The following SSX3 variants were observed in gnomAD, a reference collection of about 807,000 sequenced individuals.
The protein encoded by SSX3 is SSX family member 3, also known as protein SSX3.
In SSX3, 6 loss-of-function variants were observed where a neutral mutation model predicts 14.8. The ratio of observed to expected loss-of-function variants is 0.41; its 90% CI spans 0.22 to 0.80. The LOEUF is 0.80. SSX3 is among the 30% of genes least tolerant of loss of function. The pLI is 0.34. For synonymous variants in SSX3, 55 were observed against 52.9 expected, an observed-to-expected ratio of 1.04 and a Z score of -0.18; for missense variants, 163 against 152.2, an observed-to-expected ratio of 1.07 and a Z score of -0.37.
Position 48,353,980 on chromosome X carries a change from C to A in SSX3, c.280+19G>T. ...TTGGGCTTGAGGAGACCCTTTCCAGCCCCTTCCCATCTACTCACCCTGATT... is the reference window on the plus strand; with the variant it reads ...TTGGGCTTGAGGAGACCCTTTCCAGACCCTTCCCATCTACTCACCCTGATT... On this transcript the variant is annotated intron_variant, in intron 4 of 7. Coordinates refer to ENST00000298396, the MANE Select transcript of SSX3 (RefSeq NM_021014.4). The A allele has an allele frequency of 8.4e-7, 1 of 1,197,059 alleles. No homozygotes were observed. The highest frequency in any genetic ancestry group is 2.2e-5 in the Admixed American group (1 of 45,841).
chrX:48,348,704 G>A (rs1180910739), intron 6 of SSX3, among the ~76,000 whole-genome samples: 1 of 112,296 alleles, frequency 8.9e-6, no homozygotes, highest in Non-Finnish European at 1.9e-5. Context: ...GTTCTTGAAG[G>A]AAATAATAAT....
chrX:48,349,936 G>A, intron 6 of SSX3, 51 bp downstream of exon 6: 1 of 1,208,230 alleles, frequency 8.3e-7, no homozygotes, highest in Non-Finnish European at 1.1e-6. Context: ...CCACACACCT[G>A]AACGTCGCCA....
rs782057033 is a variant in SSX3, at chrX:48,351,978, T to C, written c.330+122A>G. ...AAGCCGTCGGTGCTACATCAGGTGTTGTGATAGACATGGGGAGAAGAAGGC... is the reference window on the plus strand; with the variant it reads ...AAGCCGTCGGTGCTACATCAGGTGTCGTGATAGACATGGGGAGAAGAAGGC... On this transcript the variant is annotated intron_variant, in intron 5 of 7. Coordinates refer to ENST00000298396, the MANE Select transcript of SSX3 (RefSeq NM_021014.4). 2.0e-4 allele frequency: 178 copies of C among 907,108 alleles called. 3 individuals are homozygous for C. In the East Asian group the frequency reaches 5.6e-3, roughly 28 times the overall value. The allele number at this position is 907,108 out of a possible 1,213,427, so 74.8% of individuals were successfully genotyped here.
chrX:48,349,651 G>T, intron 6 of SSX3: 2 of 1,192,804 alleles, frequency 1.7e-6, no homozygotes, highest in Non-Finnish European at 2.3e-6. Context: ...AGATAGAATC[G>T]CTTGAGCACC....
chrX:48,353,198 A>G (rs1451736613), intron 4 of SSX3, among the ~76,000 whole-genome samples: 2 of 110,270 alleles, frequency 1.8e-5, no homozygotes, highest in African/African-American at 6.6e-5. Context: ...GCTTAGGAAG[A>G]ACAACATGTC....
intron 5 of SSX3, among the ~76,000 whole-genome samples, chrX:48,351,330 TGGGACTGG>T (rs2146665191): frequency 8.9e-6 from 1 of 111,775 alleles, no homozygotes; most frequent in Admixed American, 9.5e-5. Context: ...TCCCCTGGGC[TGGGACTGG>T]GGCTTCCCAG....
chrX:48,351,060 C>T lies in SSX3; in HGVS notation c.331-938G>A, dbSNP rs139887010. Reference sequence around the variant, plus strand: ...CTGGGATTACAGTCGTGAGCCACCGCGCCCTGATCTTAAGCTACTTTTAAT... The same window carrying T: ...CTGGGATTACAGTCGTGAGCCACCGTGCCCTGATCTTAAGCTACTTTTAAT... On this transcript the variant is annotated intron_variant, in intron 5 of 7. Coordinates refer to ENST00000298396, the MANE Select transcript of SSX3 (RefSeq NM_021014.4). Among the ~76,000 whole-genome samples, 698 of 111,089 alleles carry T rather than the reference C, an allele frequency of 6.3e-3. 12 individuals carry two copies. The highest frequency in any genetic ancestry group is 0.049 in the Admixed American group (510 of 10,361).
At chrX:48,350,194 T>C (rs1282800871) in intron 5 of SSX3, 72 bp from the exon 6 acceptor site, 3 of 1,172,658 alleles carry the variant, frequency 2.6e-6, no homozygotes, top group Non-Finnish European at 3.5e-6. Flanking sequence ...TTACAAAGGG[T>C]CTTCACATGC....
Position 48,346,645 on chromosome X carries a change from A to G in SSX3, c.*395T>C. 1 of 324,008 alleles carries G rather than the reference A, an allele frequency of 3.1e-6. No individual in the cohort carries two copies. The highest frequency in any genetic ancestry group is 5.5e-6 in the Non-Finnish European group (1 of 180,289). The allele number at this position is 324,008 out of a possible 1,213,427, so 26.7% of individuals were successfully genotyped here. ...TGTGTGTGTGTGTAAATGCAGAGGA[A>G]AAAATCTGAAATTAAACACTCAGAA... On this transcript the variant is annotated 3_prime_UTR_variant, in exon 8 of 8. Coordinates refer to ENST00000298396, the MANE Select transcript of SSX3 (RefSeq NM_021014.4).
intron 4 of SSX3, among the ~76,000 whole-genome samples, chrX:48,352,953 G>C (rs782610655): frequency 7.2e-5 from 8 of 111,455 alleles, no homozygotes; most frequent in Non-Finnish European, 1.3e-4. Context: ...CAGAGAATCA[G>C]GGTTATTTGG....
intron 6 of SSX3, chrX:48,348,405 A>C (rs1220798744): frequency 7.7e-6 from 4 of 518,082 alleles, no homozygotes; most frequent in Non-Finnish European, 1.4e-5. Flanking sequence ...TCCACCGATG[A>C]GCTGTTCCGC....
At chrX:48,348,362 T>A (rs2061247376) in intron 6 of SSX3, 1 of 516,057 alleles carries the variant, frequency 1.9e-6, no homozygotes. Flanking sequence ...TATGACAAAC[T>A]TAATCGATTA....
Position 48,349,437 on chromosome X carries a change from T to C in SSX3, c.466+550A>G, listed in dbSNP as rs1478965260. Reference sequence around the variant, plus strand: ...TGAATTATTTTAAAATTAAGGTATATACATTTTTAGACATAATGCTATTGC... The same window carrying C: ...TGAATTATTTTAAAATTAAGGTATACACATTTTTAGACATAATGCTATTGC... On this transcript the variant is annotated intron_variant, in intron 6 of 7. Coordinates refer to ENST00000298396, the MANE Select transcript of SSX3 (RefSeq NM_021014.4). 1.9e-5 allele frequency: 18 copies of C among 952,022 alleles called. No homozygotes were observed. In the African/African-American group the frequency reaches 2.4e-4, roughly 12 times the overall value. The allele number at this position is 952,022 out of a possible 1,213,427, so 78.5% of individuals were successfully genotyped here.
chrX:48,349,624 T>C (rs782460686), intron 6 of SSX3: 1 of 1,204,750 alleles, frequency 8.3e-7, no homozygotes, highest in Non-Finnish European at 1.1e-6. Flanking sequence ...GAGTAAGATA[T>C]GATCCCAGGT....
chrX:48,355,609 G>A (rs2061283670), intron 1 of SSX3, among the ~76,000 whole-genome samples: 1 of 110,976 alleles, frequency 9.0e-6, no homozygotes, highest in South Asian at 3.9e-4. Context: ...GGACATGACT[G>A]TGTAATTTTA....
Position 48,348,310 on chromosome X carries a change from T to C in SSX3, c.467-706A>G, listed in dbSNP as rs1338032658. The C allele has an allele frequency of 9.9e-6, 5 of 505,863 alleles. No homozygotes were observed. The East Asian group carries it at 1.5e-4, about 15-fold the overall frequency. 41.7% of individuals were successfully genotyped at this position (505,863 alleles called of 1,213,427 possible). On this transcript the variant is annotated intron_variant, in intron 6 of 7. Transcript: ENST00000298396. Reference sequence around the variant, plus strand: ...ATTATTGACTATAATCACCCTGTTGTGTGTAATTGTTTTGGGGGTACCAGG... The same window carrying C: ...ATTATTGACTATAATCACCCTGTTGCGTGTAATTGTTTTGGGGGTACCAGG...
At chrX:48,353,450 C>G (rs1210566569) in intron 4 of SSX3, among the ~76,000 whole-genome samples, 1 of 110,907 alleles carries the variant, frequency 9.0e-6, no homozygotes, top group Non-Finnish European at 1.9e-5. Flanking sequence ...CATGGTGAAA[C>G]CCCGTCTCTA....
In SSX3 at chrX:48,347,016, C is replaced by T. The variant is rs2035781873; in HGVS notation, c.*24G>A. On this transcript the variant is annotated 3_prime_UTR_variant, in exon 8 of 8. Coordinates refer to ENST00000298396, the MANE Select transcript of SSX3 (RefSeq NM_021014.4). The stretch of plus-strand genomic sequence containing the variant: ...ACCACGTTCTGCTTCTCATCATGGG[C>T]ATGTGTCATATCCCCAAGGCTGAGG... The T allele has an allele frequency of 5.0e-6, 6 of 1,198,177 alleles. No homozygotes were observed. The East Asian group carries it at 1.5e-4, about 30-fold the overall frequency.
At chrX:48,353,485 T>G (rs1449250855) in intron 4 of SSX3, among the ~76,000 whole-genome samples, 1 of 110,756 alleles carries the variant, frequency 9.0e-6, no homozygotes, top group Non-Finnish European at 1.9e-5. Flanking sequence ...ATGAGCTGAG[T>G]GTGGGGGCAC....
Sources: gnomAD v4.1 joint callset for allele counts (sites outside exome capture counted in the v4.1 genomes callset) on GRCh38, gnomAD v4.1.1 for gene constraint, MANE v1.5 for transcripts, NCBI Gene and HGNC (gene_info 2026-07-23, HGNC 2026-07-21) for gene names.